The following KMT2D variants were observed in gnomAD, a reference collection of about 807,000 sequenced individuals.
KMT2D encodes the protein histone-lysine N-methyltransferase 2D.
KMT2D carries 55 observed loss-of-function variants against 512.7 expected under a neutral mutation model. The ratio of observed to expected loss-of-function variants is 0.11; its 90% CI spans 0.09 to 0.13. The LOEUF (loss-of-function observed/expected upper bound fraction) is 0.13. KMT2D is among the 10% of genes least tolerant of loss of function. KMT2D has a pLI of 1.00. For synonymous variants in KMT2D, 2,995 were observed against 2,904.0 expected, an observed-to-expected ratio of 1.03 and a Z score of -1.01; for missense variants, 6,061 against 7,127.9, an observed-to-expected ratio of 0.85 and a Z score of 5.39.
Position 49,034,633 on chromosome 12 carries a change from C to G in KMT2D, c.10389G>C (p.Ser3463=). 1.2e-6 allele frequency: 2 copies of G among 1,613,578 alleles called. No homozygotes were observed. The highest frequency in any genetic ancestry group is 1.7e-5 in the Admixed American group (1 of 59,954). Residue 3463 remains serine, a synonymous_variant, in exon 37 of 55, where the codon TCG becomes TCC. Transcript: ENST00000301067. ...QQVSLLAQRL[S]GGPSSDLQNH... Reference sequence around the variant, plus strand: ...TCTGCAGATCACTGCTAGGTCCCCCCGAGAGCCTCTGGGCTAGCAGAGACA... The same window carrying G: ...TCTGCAGATCACTGCTAGGTCCCCCGGAGAGCCTCTGGGCTAGCAGAGACA...
At chr12:49,048,175 C>A (rs1056462725) in intron 14 of KMT2D, 106 bp from the exon 15 acceptor site, 38 of 717,272 alleles carry the variant, frequency 5.3e-5, no homozygotes, top group Non-Finnish European at 8.5e-5. Context: ...GAGTCAGGAA[C>A]CCCATCCCAC....
intron 40 of KMT2D, 37 bp downstream of exon 40, chr12:49,031,138 C>T (rs1269002261): frequency 1.0e-5 from 16 of 1,607,904 alleles, no homozygotes; most frequent in Non-Finnish European, 1.3e-5. Context: ...GGCTCTAGGA[C>T]CCACTCTACC....
Position 49,044,137 on chromosome 12 carries a change from C to T in KMT2D, c.5188+63G>A, listed in dbSNP as rs970211900. The T allele has an allele frequency of 3.1e-6, 5 of 1,588,068 alleles. No individual in the cohort carries two copies. The African/African-American group carries it at 4.0e-5, about 13-fold the overall frequency. On this transcript the variant is annotated intron_variant, in intron 22 of 54. Coordinates refer to ENST00000301067, the MANE Select transcript of KMT2D (RefSeq NM_003482.4). This position sits in a 1 kb window ranked among gnomAD's most constrained non-coding sequence, Gnocchi z 6.4. ...TTGGCCCTTTCAATGAGTCCACCCC[C>T]TGGGTCTCTCTAGCATTGCCCCACC...
Position 49,041,427 on chromosome 12 carries a change from T to C in KMT2D, c.6343A>G (p.Ser2115Gly), listed in dbSNP as rs745887407. Residue 2115 changes from serine (S) to glycine (G), a missense_variant, in exon 32 of 55, where the codon AGC becomes GGC. Physicochemically the swap from Ser to Gly is moderately conservative, Grantham distance 56. Coordinates refer to ENST00000301067, the MANE Select transcript of KMT2D (RefSeq NM_003482.4). This position sits in a 1 kb window ranked among gnomAD's most constrained non-coding sequence, Gnocchi z 5.4. ...RIPPQPGALG[S>G]PPPAAAPTIF... is the part of the protein sequence containing the mutation. ...GTGGGGGCAGCAGCGGGGGGCGGGC[T>C]GCCCAGTGCCCCTGGCTGCGGGGGA... 1 of 1,610,506 alleles carries C rather than the reference T, an allele frequency of 6.2e-7. No homozygotes were observed. Among genetic ancestry groups the C allele is most frequent in the East Asian group, 2.2e-5 (1 of 44,854 alleles).
rs2120712453 is a variant in KMT2D, at chr12:49,054,682, T to C, written c.246A>G (p.Leu82=). ...GEPSLHGQRE[L]RRFELPFDWP... The stretch of plus-strand genomic sequence containing the variant: ...AATCAAATGGCAACTCAAAGCGCCG[T>C]AGCTCCCGCTGCCCGTGTAGACTGG... The change falls in exon 4 of 55, where the codon CTA becomes CTG. Residue 82 remains leucine (L), a synonymous_variant. Transcript: ENST00000301067. The surrounding 1 kb of genome is among the most constrained non-coding windows in gnomAD (Gnocchi z 6.4). 6.8e-6 allele frequency: 11 copies of C among 1,612,948 alleles called. No individual in the cohort carries two copies. Among genetic ancestry groups the C allele is most frequent in the Non-Finnish European group, 8.5e-6 (10 of 1,179,396 alleles).
At position 49,042,356 on chromosome 12, in the gene KMT2D, A is replaced by G. The variant is rs777919064; in HGVS notation, c.5868-26T>C. The G allele has an allele frequency of 4.5e-5, 67 of 1,502,662 alleles. No homozygotes were observed. Among genetic ancestry groups the G allele is most frequent in the Non-Finnish European group, 5.8e-5 (65 of 1,125,236 alleles). The allele number at this position is 1,502,662 out of a possible 1,614,324, so 93.1% of individuals were successfully genotyped here. A position where few individuals can be genotyped will look rare whatever the true frequency, so the allele number is the denominator to read the frequency against. On this transcript the variant is annotated intron_variant, in intron 28 of 54. Transcript: ENST00000301067. The surrounding 1 kb of genome is among the most constrained non-coding windows in gnomAD (Gnocchi z 4.4). The stretch of plus-strand genomic sequence containing the variant: ...CTGGGGCGCAGGGGCAGAGAGTCAC[A>G]GGGCGCAGGGATGCCAAGTCCCACC...
At position 49,050,466 on chromosome 12, in the gene KMT2D, T is replaced by C. The variant is rs112615033; in HGVS notation, c.3122A>G (p.Gln1041Arg). 2.6e-5 allele frequency: 42 copies of C among 1,613,384 alleles called. No homozygotes were observed. The highest frequency in any genetic ancestry group is 3.6e-5 in the Non-Finnish European group (42 of 1,179,686). ...SLVPQNSPPSQCSPPALPLSV... is the reference protein window; with the variant it reads ...SLVPQNSPPSRCSPPALPLSV... The stretch of plus-strand genomic sequence containing the variant: ...CAGTGGTAGGGCAGGAGGAGAGCAC[T>C]GGGAAGGAGGGGAGTTTTGGGGAAC... Residue 1041 changes from glutamine (Q) to arginine (R), a missense_variant, in exon 12 of 55, where the codon CAG becomes CGG. Gln to Arg is a conservative substitution (Grantham distance 43). Around this residue, in one of 16 missense-constraint regions of KMT2D, gnomAD observed 447 missense variants for 500.1 expected, o/e 0.89. Coordinates refer to ENST00000301067, the MANE Select transcript of KMT2D (RefSeq NM_003482.4).
chr12:49,045,352 G>C (rs1018886678), intron 19 of KMT2D, among the ~76,000 whole-genome samples: 2 of 152,128 alleles, frequency 1.3e-5, no homozygotes, highest in African/African-American at 4.8e-5. Flanking sequence ...AGGAAAAAGA[G>C]TTATGTTCTC....
intron 48 of KMT2D, 79 bp from the exon 49 acceptor site, chr12:49,027,401 C>A (rs952369409): frequency 8.4e-7 from 1 of 1,188,132 alleles, no homozygotes; most frequent in Non-Finnish European, 1.2e-6. Context: ...CATATGCCAC[C>A]CTCCCAAAAG....
intron 9 of KMT2D, 89 bp from the exon 10 acceptor site, chr12:49,052,798 G>C: frequency 6.3e-7 from 1 of 1,577,424 alleles, no homozygotes; most frequent in Non-Finnish European, 8.7e-7. Flanking sequence ...GAATGCTGTG[G>C]ATGGCACTGC....
rs375977290 is a variant in KMT2D at position 49,043,400 on chromosome 12, T to C, written c.5496A>G (p.Glu1832=). Residue 1832 remains glutamate, a synonymous_variant, in exon 25 of 55, where the codon GAA becomes GAG. Coordinates refer to ENST00000301067, the MANE Select transcript of KMT2D (RefSeq NM_003482.4). ...KGDDGPDIAD[E]ESRGLEGKAD... The stretch of plus-strand genomic sequence containing the variant: ...CTTTGCCCTCGAGGCCACGGGATTC[T>C]TCATCTGCAATATCTGGACCATCAT... 6.2e-7 allele frequency: 1 copy of C among 1,613,862 alleles called. No homozygotes were observed. Among genetic ancestry groups the C allele is most frequent in the Admixed American group, 1.7e-5 (1 of 60,004 alleles).
chr12:49,030,086 T>C (rs187884637), intron 43 of KMT2D, among the ~76,000 whole-genome samples, 194 bp downstream of exon 43: 10 of 152,318 alleles, frequency 6.6e-5, no homozygotes, highest in African/African-American at 1.9e-4. Context: ...CTATTGCATT[T>C]GCTCTAGACT....
chr12:49,047,334 A>C (rs1176651809), intron 15 of KMT2D, among the ~76,000 whole-genome samples: 1 of 151,726 alleles, frequency 6.6e-6, no homozygotes, highest in Non-Finnish European at 1.5e-5. Flanking sequence ...CATTGTGAAT[A>C]GAATAGCAAT....
Position 49,031,276 on chromosome 12 carries a change from C to T in KMT2D, c.13429G>A (p.Gly4477Arg). Residue 4477 changes from glycine (G) to arginine (R), a missense_variant, in exon 40 of 55, where the codon GGG becomes AGG. Physicochemically the swap from Gly to Arg is moderately radical, Grantham distance 125. This residue lies in a region of KMT2D where 1,600 missense variants were observed against 1,754.9 expected (regional missense o/e 0.91). Coordinates refer to ENST00000301067, the MANE Select transcript of KMT2D (RefSeq NM_003482.4). ...LRAKNVQLSTGRGSEGLRAEI... is the reference protein window; with the variant it reads ...LRAKNVQLSTRRGSEGLRAEI... ...GCTCGCAGCCCCTCGGACCCCCGCC[C>T]AGTGCTGAGTTGCACATTCTTTGCC... is the stretch of plus-strand genomic sequence containing the variant. 1.2e-6 allele frequency: 2 copies of T among 1,613,484 alleles called. No homozygotes were observed. The highest frequency in any genetic ancestry group is 1.6e-4 in the Middle Eastern group (1 of 6,062).
Position 49,029,236 on chromosome 12 carries a change from C to T in KMT2D, c.14076G>A (p.Arg4692=), listed in dbSNP as rs1290716931. 6.2e-7 allele frequency: 1 copy of T among 1,609,842 alleles called. No individual in the cohort carries two copies. Among genetic ancestry groups the T allele is most frequent in the Non-Finnish European group, 8.5e-7 (1 of 1,176,526 alleles). ...TPPHNQTEDV[R]MESDEDSDSP... ...AATCGCTATCCTCATCACTCTCCAT[C>T]CTGGGGACCAAAAGTAGACATTTGT... Residue 4692 remains arginine, a splice_region_variant and synonymous_variant, in exon 45 of 55, where the codon AGG becomes AGA. Coordinates refer to ENST00000301067, the MANE Select transcript of KMT2D (RefSeq NM_003482.4).
chr12:49,040,039 G>C lies in KMT2D; in HGVS notation c.7731C>G (p.Ser2577Arg), dbSNP rs372705340. ...GPGPTLGKPQ[S>R]TNYTVATGNF... ...TCCCTGTGGCTACTGTGTAGTTTGT[G>C]CTTTGAGGCTTGCCCAAGGTGGGGC... The change falls in exon 32 of 55, where the codon AGC (serine) becomes AGG (arginine). Residue 2577 changes from serine to arginine, a missense_variant. Transcript: ENST00000301067. 1 of 1,613,840 alleles carries C rather than the reference G, an allele frequency of 6.2e-7. No homozygotes were observed. The highest frequency in any genetic ancestry group is 1.1e-5 in the South Asian group (1 of 91,054).
chr12:49,027,443 T>C, intron 48 of KMT2D, 121 bp from the exon 49 acceptor site: 1 of 824,338 alleles, frequency 1.2e-6, no homozygotes, highest in Non-Finnish European at 1.9e-6. Context: ...GACAGCCTCT[T>C]TTTTCTTTTC....
At chr12:49,059,188 A>G (rs1417737289) in intron 1 of KMT2D, among the ~76,000 whole-genome samples, 1 of 152,124 alleles carries the variant, frequency 6.6e-6, no homozygotes, top group East Asian at 1.9e-4. Flanking sequence ...TCCAACTGGC[A>G]TAAGTCTGAC....
intron 1 of KMT2D, among the ~76,000 whole-genome samples, chr12:49,057,483 C>G (rs2120725651): frequency 6.6e-6 from 1 of 152,340 alleles, no homozygotes; most frequent in South Asian, 2.1e-4. Flanking sequence ...CAGAAACCAC[C>G]TTCATCTGGC....
Sources: gnomAD v4.1 joint callset for allele counts (sites outside exome capture counted in the v4.1 genomes callset) on GRCh38, gnomAD v4.1.1 for gene constraint, gnomAD v4.1.1 regional missense constraint, Gnocchi (gnomAD v3.1) non-coding constraint, MANE v1.5 for transcripts, NCBI Gene and HGNC (gene_info 2026-07-23, HGNC 2026-07-21) for gene names.